The following SNX29 variants were observed in gnomAD, a reference collection of about 807,000 sequenced individuals.
The protein encoded by SNX29 is sorting nexin 29.
Under a neutral mutation model 102.1 loss-of-function variants are expected in SNX29, and 78 were observed. The ratio of observed to expected loss-of-function variants is 0.76; its 90% confidence interval spans 0.64 to 0.92. The LOEUF (loss-of-function observed/expected upper bound fraction) is 0.92. Among genes scored for constraint, SNX29 ranks in the 40% least tolerant of loss-of-function variants. The pLI, the probability that SNX29 is intolerant of heterozygous loss-of-function variation, is 0.00. For synonymous variants in SNX29, 580 were observed against 414.5 expected (o/e 1.40, Z -4.85); for missense variants, 1,280 against 1,061.7 (o/e 1.21, Z -2.86).
intron 19 of SNX29, among the ~76,000 whole-genome samples, chr16:12,492,714 G>T (rs1158772664): frequency 6.6e-6 from 1 of 152,174 alleles, no homozygotes; most frequent in African/African-American, 2.4e-5. Context: ...TGTATAAGGT[G>T]TAAGGAAGGG....
In SNX29 at chr16:12,096,120, C is replaced by G. The variant is rs1464804150; in HGVS notation, c.1402+17205C>G. 1.3e-5 allele frequency among the ~76,000 whole-genome samples: 2 copies of G among 152,212 alleles called. No homozygotes were observed. The highest frequency in any genetic ancestry group is 4.8e-5 in the African/African-American group (2 of 41,450). ...CGTTAAATCGGCTGCAGTCTGAGCC[C>G]CCTGCCCCTTAACTGCCGAGAAGTG... is the stretch of plus-strand genomic sequence containing the variant. On this transcript the variant is annotated intron_variant, in intron 11 of 20. Coordinates refer to ENST00000566228, the MANE Select transcript of SNX29 (RefSeq NM_032167.5). This position sits in a 1 kb window ranked among gnomAD's most constrained non-coding sequence, Gnocchi z 4.2.
intron 18 of SNX29, among the ~76,000 whole-genome samples, chr16:12,408,157 C>CAAAAAAAAAAAAAAAAAAAAAA (rs1555530421): frequency 1.4e-5 from 2 of 142,926 alleles, no homozygotes; most frequent in African/African-American, 5.5e-5. Context: ...GGACCCTTCT[C>CAAAAAAAAAAAAAAAAAAAAAA]AAAAAAACAA....
intron 20 of SNX29, among the ~76,000 whole-genome samples, chr16:12,532,933 G>C (rs1466008642): frequency 6.6e-6 from 1 of 152,246 alleles, no homozygotes; most frequent in East Asian, 1.9e-4. Flanking sequence ...GTCCTCCTCT[G>C]CTGCCAAGTT....
chr16:12,056,281 G>C (rs906791122), intron 8 of SNX29, among the ~76,000 whole-genome samples: 3 of 152,136 alleles, frequency 2.0e-5, no homozygotes, highest in Admixed American at 6.6e-5. Flanking sequence ...AGCCAAGGCA[G>C]CCCCCAGCAT....
intron 11 of SNX29, among the ~76,000 whole-genome samples, chr16:12,080,385 C>T (rs952435006): frequency 1.3e-5 from 2 of 152,108 alleles, no homozygotes; most frequent in African/African-American, 4.8e-5. Context: ...TTTACTGTGG[C>T]GCTGCTCAGC....
chr16:12,091,039 G>GAAAAAAAAAAAA (rs769027308), intron 11 of SNX29, among the ~76,000 whole-genome samples: 1 of 111,178 alleles, frequency 9.0e-6, no homozygotes, highest in African/African-American at 3.7e-5. Context: ...AAAAAAAAAA[G>GAAAAAAAAAAAA]AAAGAAAAAG....
intron 18 of SNX29, among the ~76,000 whole-genome samples, chr16:12,411,388 G>A (rs1456923942): frequency 6.6e-6 from 1 of 152,152 alleles, no homozygotes; most frequent in Non-Finnish European, 1.5e-5. Flanking sequence ...GCGTTCTGAG[G>A]ATCATAGCAC....
At chr16:12,362,812 A>T (rs557393969) in intron 16 of SNX29, among the ~76,000 whole-genome samples, 1 of 152,032 alleles carries the variant, frequency 6.6e-6, no homozygotes. Flanking sequence ...TGTTACATTG[A>T]TTTATCACTG....
chr16:12,033,849 C>T (rs1011465463), intron 4 of SNX29, among the ~76,000 whole-genome samples: 9 of 152,070 alleles, frequency 5.9e-5, no homozygotes, highest in Non-Finnish European at 1.0e-4. Flanking sequence ...TCAGGTGATC[C>T]GCCTGCCTTG....
rs1036705381 is a variant in SNX29, at chr16:12,569,630, C to A, written c.*1001C>A. 11 of 170,810 alleles carry A rather than the reference C, an allele frequency of 6.4e-5. No individual in the cohort carries two copies. The Admixed American group carries it at 7.3e-4, about 11-fold the overall frequency. 10.6% of individuals were successfully genotyped at this position (170,810 alleles called of 1,614,324 possible). ...TGTCCTTGATAACAGAACTCTGCAT[C>A]CCCTAAGACAGAGTCCTCTGTTCCT... On this transcript the variant is annotated 3_prime_UTR_variant, in exon 21 of 21. Coordinates refer to ENST00000566228, the MANE Select transcript of SNX29 (RefSeq NM_032167.5).
chr16:12,191,411 C>T (rs1257788710), intron 13 of SNX29, among the ~76,000 whole-genome samples: 1 of 152,176 alleles, frequency 6.6e-6, no homozygotes, highest in Non-Finnish European at 1.5e-5. Context: ...TTGCCAGGAA[C>T]ATGACTTACC....
intron 10 of SNX29, among the ~76,000 whole-genome samples, chr16:12,075,764 C>G (rs1212189570): frequency 6.6e-6 from 1 of 152,222 alleles, no homozygotes; most frequent in Non-Finnish European, 1.5e-5. Context: ...GCCCTGCCCC[C>G]AGAGGTGGAG....
chr16:12,148,073 T>C (rs2055141591), intron 13 of SNX29, among the ~76,000 whole-genome samples: 1 of 152,240 alleles, frequency 6.6e-6, no homozygotes, highest in Non-Finnish European at 1.5e-5. Flanking sequence ...GACTCGTACC[T>C]GCTGCTGCTC....
intron 11 of SNX29, among the ~76,000 whole-genome samples, chr16:12,083,573 C>G (rs918132825): frequency 1.3e-5 from 2 of 152,156 alleles, no homozygotes; most frequent in Non-Finnish European, 1.5e-5. Flanking sequence ...GGCCTTGTCT[C>G]CATATAAACT....
chr16:12,185,762 C>T (rs988148829), intron 13 of SNX29, among the ~76,000 whole-genome samples: 2 of 152,242 alleles, frequency 1.3e-5, no homozygotes, highest in African/African-American at 4.8e-5. Context: ...GACATCTCAC[C>T]CTCCAGCTGT....
intron 13 of SNX29, among the ~76,000 whole-genome samples, chr16:12,198,550 A>T (rs2076836019): frequency 6.6e-6 from 1 of 152,156 alleles, no homozygotes; most frequent in South Asian, 2.1e-4. Context: ...AGGCACTTAG[A>T]CTCAAGACCT....
At chr16:12,196,768 A>G (rs1431192341) in intron 13 of SNX29, among the ~76,000 whole-genome samples, 2 of 151,798 alleles carry the variant, frequency 1.3e-5, no homozygotes, top group South Asian at 2.1e-4. Context: ...TTACAGGCAC[A>G]TGCCACCATG....
intron 3 of SNX29, among the ~76,000 whole-genome samples, chr16:12,014,933 A>G (rs931745666): frequency 6.6e-6 from 1 of 152,066 alleles, no homozygotes; most frequent in African/African-American, 2.4e-5. Context: ...CACTGTTGCA[A>G]AGCATGAATT....
chr16:12,555,658 C>T (rs923175542), intron 20 of SNX29, among the ~76,000 whole-genome samples: 10 of 152,064 alleles, frequency 6.6e-5, no homozygotes, highest in Non-Finnish European at 1.3e-4. Context: ...CAGACCCTGT[C>T]ACTCCTGCAC....
Sources: allele counts gnomAD v4.1 joint callset (sites outside exome capture counted in the v4.1 genomes callset), GRCh38; gene constraint gnomAD v4.1.1; non-coding constraint Gnocchi (gnomAD v3.1); transcripts MANE v1.5; gene names NCBI Gene and HGNC (gene_info 2026-07-23, HGNC 2026-07-21).